CSMD2: variants seen among roughly 807,000 people sequenced by gnomAD.
The protein encoded by CSMD2 is CUB and Sushi multiple domains 2.
A neutral mutation model predicts 398.5 loss-of-function variants in CSMD2; 130 were observed. That is an observed-to-expected ratio of 0.33 (90% CI 0.28 to 0.38). The LOEUF is 0.38. CSMD2 is among the 10% of genes least tolerant of loss of function. The pLI is 1.00. For synonymous variants in CSMD2, 1,828 were observed against 1,908.5 expected (o/e 0.96, Z 1.10); for missense variants, 3,829 against 4,764.9 (o/e 0.80, Z 5.78).
chr1:33,830,488 A>G (rs1303255759), intron 6 of CSMD2, among the ~76,000 whole-genome samples: 1 of 152,214 alleles, frequency 6.6e-6, no homozygotes, highest in Non-Finnish European at 1.5e-5. Flanking sequence ...CAGAAAGGAC[A>G]TCCACACCAA....
chr1:34,024,972 T>C (rs796167048), intron 3 of CSMD2, among the ~76,000 whole-genome samples: 87 of 152,232 alleles, frequency 5.7e-4, no homozygotes, highest in African/African-American at 2.0e-3. Context: ...AAAGGCCCAT[T>C]TCTCCCATGT....
intron 2 of CSMD2, among the ~76,000 whole-genome samples, chr1:34,070,700 C>A (rs370259162): frequency 3.9e-5 from 6 of 152,120 alleles, no homozygotes; most frequent in Non-Finnish European, 7.4e-5. Context: ...CCCCCACCCC[C>A]ACCCTTGCAG....
intron 1 of CSMD2, among the ~76,000 whole-genome samples, chr1:34,103,532 C>A (rs6697140): frequency 6.6e-6 from 1 of 151,690 alleles, no homozygotes; most frequent in East Asian, 1.9e-4. Context: ...TCTGACCTTG[C>A]GATTCGCCCA....
intron 1 of CSMD2, among the ~76,000 whole-genome samples, chr1:34,096,313 G>C (rs1403022937): frequency 6.6e-6 from 1 of 151,268 alleles, no homozygotes. Flanking sequence ...CATACTGAAT[G>C]GGCAAAAACT....
At chr1:33,859,692 A>G (rs545493404) in intron 5 of CSMD2, among the ~76,000 whole-genome samples, 1 of 152,334 alleles carries the variant, frequency 6.6e-6, no homozygotes, top group Admixed American at 6.5e-5. Flanking sequence ...AGGGGGATGA[A>G]GGAAGTTTCA....
At chr1:34,007,586 T>G (rs549825758) in intron 3 of CSMD2, among the ~76,000 whole-genome samples, 4 of 152,306 alleles carry the variant, frequency 2.6e-5, no homozygotes, top group Non-Finnish European at 5.9e-5. Context: ...GAAATGGCCA[T>G]GCCCTTATAG....
At position 34,115,275 on chromosome 1, in the gene CSMD2, C is replaced by A. The variant is rs115431039; in HGVS notation, c.188-26082G>T. On this transcript the variant is annotated intron_variant, in intron 1 of 70. Transcript: ENST00000373381. Reference sequence around the variant, plus strand: ...GCTTAAAAGACTCCAACTACAATGACCCCAAAGAAGTCAATATTGAGACAA... The same window carrying A: ...GCTTAAAAGACTCCAACTACAATGAACCCAAAGAAGTCAATATTGAGACAA... Among the ~76,000 whole-genome samples the A allele has an allele frequency of 9.7e-3, 1,475 of 151,930 alleles. 21 individuals are homozygous for A. The highest frequency in any genetic ancestry group is 0.034 in the African/African-American group (1,419 of 41,466).
At chr1:33,527,313 T>C (rs1431869324) in intron 64 of CSMD2, 55 bp from the exon 65 acceptor site, 2 of 1,458,282 alleles carry the variant, frequency 1.4e-6, no homozygotes, top group African/African-American at 1.4e-5. Flanking sequence ...TCACACTCTG[T>C]TGGAAAAATA....
chr1:34,152,377 G>A (rs943426843), intron 1 of CSMD2, among the ~76,000 whole-genome samples: 2 of 152,128 alleles, frequency 1.3e-5, no homozygotes, highest in Admixed American at 1.3e-4. Flanking sequence ...CCCTCACCAA[G>A]GCCTGCCTTT....
intron 1 of CSMD2, chr1:34,112,805 A>T: frequency 6.6e-6 from 1 of 152,214 alleles, no homozygotes; most frequent in Non-Finnish European, 1.5e-5. Flanking sequence ...AAAGAAAAGG[A>T]TTCAAGCCAA....
intron 10 of CSMD2, among the ~76,000 whole-genome samples, chr1:33,808,364 T>A (rs1025934350): frequency 1.3e-5 from 2 of 152,050 alleles, no homozygotes; most frequent in Non-Finnish European, 2.9e-5. Context: ...TGACCATTTC[T>A]GGTCCTAAAA....
intron 2 of CSMD2, among the ~76,000 whole-genome samples, chr1:34,053,859 A>G (rs963072002): frequency 6.6e-6 from 1 of 152,160 alleles, no homozygotes; most frequent in African/African-American, 2.4e-5. Context: ...TCACAATAAG[A>G]CCCATTGATT....
intron 40 of CSMD2, 149 bp downstream of exon 40, chr1:33,614,355 T>C (rs1641245600): frequency 3.1e-6 from 2 of 640,652 alleles, no homozygotes; most frequent in South Asian, 3.6e-5. Flanking sequence ...TTCACAATTG[T>C]ACAAGAGGTC....
chr1:33,534,393 T>C lies in CSMD2; in HGVS notation c.9880-486A>G, dbSNP rs140475818. Among the ~76,000 whole-genome samples the C allele has an allele frequency of 8.5e-4, 130 of 152,306 alleles. 2 individuals are homozygous for C. In the East Asian group the frequency reaches 0.018, roughly 21 times the overall value. Reference sequence around the variant, plus strand: ...GTGTGTGTTCCTTTCCTCAATGAAATTGCAAATTCTTTAAGGATGGGAGAC... The same window carrying C: ...GTGTGTGTTCCTTTCCTCAATGAAACTGCAAATTCTTTAAGGATGGGAGAC... On this transcript the variant is annotated intron_variant, in intron 62 of 70. Coordinates refer to ENST00000373381, the MANE Select transcript of CSMD2 (RefSeq NM_001281956.2).
intron 37 of CSMD2, among the ~76,000 whole-genome samples, chr1:33,621,830 G>A (rs913650580): frequency 1.3e-5 from 2 of 152,138 alleles, no homozygotes; most frequent in African/African-American, 4.8e-5. Flanking sequence ...AGAACTAGGG[G>A]TTAGAAAGGC....
intron 5 of CSMD2, among the ~76,000 whole-genome samples, chr1:33,894,346 T>C (rs1383718073): frequency 2.0e-5 from 3 of 152,186 alleles, no homozygotes; most frequent in African/African-American, 7.2e-5. Context: ...AAGCTCCCAG[T>C]GTCTGCATCC....
rs537140817 is a variant in CSMD2 at position 34,000,313 on chromosome 1, A to G, written c.517+32281T>C. 1.2e-4 allele frequency among the ~76,000 whole-genome samples: 19 copies of G among 152,202 alleles called. No individual in the cohort carries two copies. In the East Asian group the frequency reaches 3.7e-3, roughly 29 times the overall value. On this transcript the variant is annotated intron_variant, in intron 3 of 70. Transcript: ENST00000373381. ...TTCAAGCAGGAAGGAATGTGAGGAG[A>G]CTGAAGGAGAGACCATGTGCCTTTT...
chr1:33,744,826 G>C (rs755843246), intron 13 of CSMD2, among the ~76,000 whole-genome samples: 12 of 152,138 alleles, frequency 7.9e-5, no homozygotes, highest in African/African-American at 2.7e-4. Context: ...ATCCAATATT[G>C]TTGAGGCTTC....
intron 2 of CSMD2, among the ~76,000 whole-genome samples, chr1:34,065,205 C>A (rs144987177): frequency 1.8e-4 from 27 of 152,294 alleles, no homozygotes; most frequent in African/African-American, 6.3e-4. Context: ...GTCTTACAGA[C>A]AGCTTGAAAC....
Sources: allele counts gnomAD v4.1 joint callset (sites outside exome capture counted in the v4.1 genomes callset), GRCh38; gene constraint gnomAD v4.1.1; transcripts MANE v1.5; gene names NCBI Gene and HGNC (gene_info 2026-07-23, HGNC 2026-07-21).